Variants in PIK3CB observed in about 807,000 individuals in gnomAD.
PIK3CB encodes phosphatidylinositol 4,5-bisphosphate 3-kinase catalytic subunit beta isoform.
PIK3CB carries 39 observed loss-of-function variants against 136.8 expected under a neutral mutation model. The observed-to-expected ratio is 0.29, with a 90% CI of 0.22 to 0.37. PIK3CB has a LOEUF of 0.37. Ranked by LOEUF, PIK3CB falls within the 10% of genes least tolerant of loss-of-function variation. The pLI, the probability that PIK3CB is intolerant of heterozygous loss-of-function variation, is 1.00. For synonymous variants in PIK3CB, 428 were observed against 436.6 expected (o/e 0.98, Z 0.25); for missense variants, 868 against 1,275.4 (o/e 0.68, Z 4.87).
intron 1 of PIK3CB, among the ~76,000 whole-genome samples, chr3:138,829,104 AT>A (rs993573062): frequency 4.3e-4 from 65 of 151,764 alleles, no homozygotes; most frequent in African/African-American, 1.5e-3. Flanking sequence ...GTCCGGCCAA[AT>A]TTTTTTATTT....
intron 2 of PIK3CB, 114 bp from the exon 3 acceptor site, chr3:138,759,473 T>C (rs2045631435): frequency 1.6e-6 from 1 of 609,924 alleles, no homozygotes; most frequent in Non-Finnish European, 2.8e-6. Context: ...TAGCCAATAA[T>C]GTAACAGGAG....
intron 8 of PIK3CB, among the ~76,000 whole-genome samples, chr3:138,731,174 C>T (rs917371294): frequency 7.2e-5 from 11 of 152,128 alleles, no homozygotes; most frequent in African/African-American, 2.4e-4. Flanking sequence ...ATTCACAAAG[C>T]TTGTTAACTT....
intron 2 of PIK3CB, among the ~76,000 whole-genome samples, chr3:138,775,052 T>C (rs1304188176): frequency 6.6e-6 from 1 of 152,204 alleles, no homozygotes; most frequent in Non-Finnish European, 1.5e-5. Flanking sequence ...AATGACAAAA[T>C]GCTTCTGTGT....
chr3:138,832,046 C>T (rs1211091811), intron 1 of PIK3CB, among the ~76,000 whole-genome samples: 1 of 152,188 alleles, frequency 6.6e-6, no homozygotes, highest in African/African-American at 2.4e-5. Context: ...TTCACAGTGG[C>T]TAGCAGTAGT....
At chr3:138,771,118 C>G (rs1038057720) in intron 2 of PIK3CB, among the ~76,000 whole-genome samples, 1 of 152,046 alleles carries the variant, frequency 6.6e-6, no homozygotes, top group East Asian at 1.9e-4. Flanking sequence ...CTACCCCCGA[C>G]GTTGCTCAAA....
chr3:138,784,550 C>T (rs2045954202), intron 2 of PIK3CB, among the ~76,000 whole-genome samples: 1 of 152,170 alleles, frequency 6.6e-6, no homozygotes, highest in Admixed American at 6.5e-5. Context: ...CTGCCTCAGC[C>T]TGAGGAGTGC....
chr3:138,756,496 C>T (rs1283239688), intron 3 of PIK3CB, among the ~76,000 whole-genome samples: 1 of 152,084 alleles, frequency 6.6e-6, no homozygotes, highest in Non-Finnish European at 1.5e-5. Context: ...GTCCTGCACT[C>T]TTTTCTTTTA....
chr3:138,829,432 C>G (rs1933928305), intron 1 of PIK3CB, among the ~76,000 whole-genome samples: 1 of 151,952 alleles, frequency 6.6e-6, no homozygotes. Flanking sequence ...AGGTACTACC[C>G]AGGAAGAACT....
chr3:138,741,872 C>G (rs1156606463), intron 5 of PIK3CB, among the ~76,000 whole-genome samples: 1 of 151,754 alleles, frequency 6.6e-6, no homozygotes, highest in African/African-American at 2.4e-5. Context: ...AATCTAATGC[C>G]AGACCCTAGA....
chr3:138,659,101 G>C (rs938052862), intron 21 of PIK3CB, among the ~76,000 whole-genome samples: 5 of 152,044 alleles, frequency 3.3e-5, no homozygotes, highest in African/African-American at 1.2e-4. Context: ...TTTGATATGG[G>C]GTTCTGTCCT....
intron 1 of PIK3CB, among the ~76,000 whole-genome samples, chr3:138,831,649 A>G (rs1934042214): frequency 6.6e-6 from 1 of 151,948 alleles, no homozygotes; most frequent in East Asian, 1.9e-4. Context: ...TATTGGGGCC[A>G]GGCACAGTGG....
intron 4 of PIK3CB, among the ~76,000 whole-genome samples, chr3:138,747,151 G>T (rs2045378329): frequency 8.2e-6 from 1 of 122,670 alleles, no homozygotes; most frequent in African/African-American, 3.0e-5. Flanking sequence ...CTAGTACCTA[G>T]AACTCCTGGG....
At chr3:138,656,607 T>C (rs1266067773) in intron 22 of PIK3CB, among the ~76,000 whole-genome samples, 2 of 152,196 alleles carry the variant, frequency 1.3e-5, no homozygotes, top group Non-Finnish European at 2.9e-5. Context: ...GTTATAATTA[T>C]AATCCACAAG....
intron 12 of PIK3CB, among the ~76,000 whole-genome samples, chr3:138,701,266 C>T (rs1304542838): frequency 1.3e-5 from 2 of 150,812 alleles, no homozygotes; most frequent in Non-Finnish European, 1.5e-5. Context: ...AGAACTGTTT[C>T]GGACTGAAGG....
chr3:138,735,713 C>G (rs2045088401), intron 6 of PIK3CB, among the ~76,000 whole-genome samples: 1 of 152,106 alleles, frequency 6.6e-6, no homozygotes, highest in African/African-American at 2.4e-5. Flanking sequence ...CCAAAGATTC[C>G]TAACAAAGTG....
In PIK3CB at chr3:138,732,534, C is replaced by T. The variant is rs114271605; in HGVS notation, c.1050+827G>A. 8.6e-3 allele frequency among the ~76,000 whole-genome samples: 1,302 copies of T among 152,156 alleles called. 26 individuals carry two copies. Among genetic ancestry groups the T allele is most frequent in the African/African-American group, 0.028 (1,180 of 41,520 alleles). On this transcript the variant is annotated intron_variant, in intron 8 of 23. Coordinates refer to ENST00000674063, the MANE Select transcript of PIK3CB (RefSeq NM_006219.3). ...ATTATTCACTTAATTTCCTACCCAGCAAATTAGGGAAAATAAATGCTTTAT... is the reference window on the plus strand; with the variant it reads ...ATTATTCACTTAATTTCCTACCCAGTAAATTAGGGAAAATAAATGCTTTAT...
intron 4 of PIK3CB, among the ~76,000 whole-genome samples, chr3:138,743,632 G>A (rs1030994645): frequency 2.6e-5 from 4 of 152,030 alleles, no homozygotes; most frequent in Non-Finnish European, 5.9e-5. Flanking sequence ...GTGTGATCAC[G>A]GCTCACTGTA....
chr3:138,688,747 G>T lies in PIK3CB; in HGVS notation c.2136+128C>A, dbSNP rs192103732. Reference sequence around the variant, plus strand: ...TATGAAATAATGTGGTGGGAGAAATGGCATTTGATAAAACTGATCAAACAC... The same window carrying T: ...TATGAAATAATGTGGTGGGAGAAATTGCATTTGATAAAACTGATCAAACAC... On this transcript the variant is annotated intron_variant, in intron 16 of 23. Coordinates refer to ENST00000674063, the MANE Select transcript of PIK3CB (RefSeq NM_006219.3). The T allele has an allele frequency of 4.7e-4, 267 of 573,096 alleles. No homozygotes were observed. In the East Asian group the frequency reaches 7.1e-3, roughly 15 times the overall value. 35.5% of individuals were successfully genotyped at this position (573,096 alleles called of 1,614,324 possible).
chr3:138,803,149 A>T (rs1049429101), intron 1 of PIK3CB, among the ~76,000 whole-genome samples: 1 of 152,156 alleles, frequency 6.6e-6, no homozygotes, highest in African/African-American at 2.4e-5. Flanking sequence ...ACAAACACCC[A>T]CTGCTCCAGT....
Sources: allele counts gnomAD v4.1 joint callset (sites outside exome capture counted in the v4.1 genomes callset), GRCh38; gene constraint gnomAD v4.1.1; transcripts MANE v1.5; gene names NCBI Gene and HGNC (gene_info 2026-07-23, HGNC 2026-07-21).